ARHGEF28: variants seen among roughly 807,000 people sequenced by gnomAD.
The protein encoded by ARHGEF28 is Rho guanine nucleotide exchange factor 28.
Under a neutral mutation model 206.6 loss-of-function variants are expected in ARHGEF28, and 152 were observed. The ratio of observed to expected loss-of-function variants is 0.74; its 90% CI spans 0.64 to 0.84. The LOEUF (loss-of-function observed/expected upper bound fraction) is 0.84, where lower values mean the gene tolerates loss of function less well. Ranked by LOEUF, ARHGEF28 falls within the 40% of genes least tolerant of loss-of-function variation. The pLI is 0.00. For missense variants in ARHGEF28, 2,028 were observed against 2,073.2 expected (o/e 0.98, Z 0.42); for synonymous variants, 763 against 776.4 (o/e 0.98, Z 0.29).
At chr5:73,838,035 G>A (rs1436375998) in intron 10 of ARHGEF28, among the ~76,000 whole-genome samples, 3 of 151,976 alleles carry the variant, frequency 2.0e-5, no homozygotes, top group Admixed American at 6.6e-5. Flanking sequence ...CACTACACCC[G>A]GCCAAGATAT....
intron 30 of ARHGEF28, 56 bp downstream of exon 30, chr5:73,898,149 A>G: frequency 6.3e-7 from 1 of 1,581,422 alleles, no homozygotes; most frequent in Non-Finnish European, 8.6e-7. Context: ...TGGAGCTTAC[A>G]GTGGTCACGT....
At chr5:73,879,698 C>G (rs1225730124) in intron 22 of ARHGEF28, among the ~76,000 whole-genome samples, 3 of 152,122 alleles carry the variant, frequency 2.0e-5, no homozygotes, top group African/African-American at 7.2e-5. Flanking sequence ...CACTCCAGAC[C>G]CTGTTTGCCT....
chr5:73,789,445 G>A (rs1470325874), intron 7 of ARHGEF28, among the ~76,000 whole-genome samples: 1 of 152,146 alleles, frequency 6.6e-6, no homozygotes, highest in Non-Finnish European at 1.5e-5. Flanking sequence ...GCTAATGCGT[G>A]TGGGGTTTTC....
At chr5:73,706,163 A>G (rs2112297786) in intron 2 of ARHGEF28, among the ~76,000 whole-genome samples, 1 of 152,194 alleles carries the variant, frequency 6.6e-6, no homozygotes, top group East Asian at 1.9e-4. Flanking sequence ...TAGCCCGGAC[A>G]GGAAGCAGAC....
chr5:73,802,412 T>C (rs1345230134), intron 9 of ARHGEF28, among the ~76,000 whole-genome samples: 1 of 152,188 alleles, frequency 6.6e-6, no homozygotes, highest in African/African-American at 2.4e-5. Context: ...TAGTACATTC[T>C]AAATTACCTT....
chr5:73,920,953 T>C (rs1321673457), intron 35 of ARHGEF28, among the ~76,000 whole-genome samples: 1 of 152,128 alleles, frequency 6.6e-6, no homozygotes, highest in African/African-American at 2.4e-5. Flanking sequence ...TTCACTGGGG[T>C]ATTTCTTTTT....
At chr5:73,806,882 T>TTA (rs999447105) in intron 9 of ARHGEF28, among the ~76,000 whole-genome samples, 2 of 132,726 alleles carry the variant, frequency 1.5e-5, no homozygotes, top group African/African-American at 6.0e-5. Context: ...TTGTATATAT[T>TTA]TATATATATA....
At chr5:73,848,831 A>T (rs1758528427) in intron 12 of ARHGEF28, 145 bp from the exon 13 acceptor site, 2 of 632,904 alleles carry the variant, frequency 3.2e-6, no homozygotes, top group Non-Finnish European at 2.6e-6. Flanking sequence ...GTGAGAGGAA[A>T]ACAGAAACAC....
chr5:73,709,040 T>C (rs1561348402), intron 2 of ARHGEF28, among the ~76,000 whole-genome samples: 1 of 152,206 alleles, frequency 6.6e-6, no homozygotes, highest in South Asian at 2.1e-4. Context: ...ATGGGGTTAT[T>C]TGTTTTTGGC....
intron 1 of ARHGEF28, among the ~76,000 whole-genome samples, chr5:73,682,623 G>A (rs1176047804): frequency 1.3e-5 from 2 of 152,072 alleles, no homozygotes; most frequent in African/African-American, 4.8e-5. Context: ...TATTGGTCAG[G>A]CTGGTCTTGA....
intron 2 of ARHGEF28, among the ~76,000 whole-genome samples, chr5:73,710,895 G>A (rs1442575071): frequency 6.6e-6 from 1 of 152,054 alleles, no homozygotes; most frequent in African/African-American, 2.4e-5. Context: ...GTAGAGACAG[G>A]GTTTTATCAT....
intron 9 of ARHGEF28, among the ~76,000 whole-genome samples, chr5:73,812,760 G>A (rs1209764347): frequency 6.6e-6 from 1 of 152,096 alleles, no homozygotes; most frequent in South Asian, 2.1e-4. Flanking sequence ...AGCTATAAAG[G>A]CACCAAAATC....
intron 22 of ARHGEF28, among the ~76,000 whole-genome samples, chr5:73,882,119 G>A (rs961451857): frequency 6.6e-6 from 1 of 152,082 alleles, no homozygotes; most frequent in East Asian, 1.9e-4. Flanking sequence ...GCCCCTAAAT[G>A]TTGCCATATA....
chr5:73,937,366 T>C (rs1203152853), intron 35 of ARHGEF28, among the ~76,000 whole-genome samples: 5 of 152,246 alleles, frequency 3.3e-5, no homozygotes, highest in Non-Finnish European at 7.3e-5. Flanking sequence ...GAAAAAACTC[T>C]CAATCAAGAT....
intron 31 of ARHGEF28, chr5:73,902,540 A>G (rs1762327224): frequency 6.6e-6 from 1 of 152,056 alleles, no homozygotes; most frequent in Non-Finnish European, 1.5e-5. Context: ...ATTTTGAAAG[A>G]TTAATACATT....
At chr5:73,705,215 G>A (rs1280574342) in intron 2 of ARHGEF28, among the ~76,000 whole-genome samples, 2 of 152,148 alleles carry the variant, frequency 1.3e-5, no homozygotes, top group African/African-American at 4.8e-5. Flanking sequence ...GAAAGCCATT[G>A]GCACGTTGGG....
At chr5:73,664,010 TC>T (rs147652129) in intron 1 of ARHGEF28, among the ~76,000 whole-genome samples, 2,950 of 152,320 alleles carry the variant, frequency 0.019, 92 homozygotes, top group African/African-American at 0.068. Flanking sequence ...GTTTCTCCTT[TC>T]TTAAAACACC....
chr5:73,873,278 G>C, intron 22 of ARHGEF28, 32 bp downstream of exon 22: 1 of 1,568,696 alleles, frequency 6.4e-7, no homozygotes, highest in Non-Finnish European at 8.7e-7. Context: ...TGACCTTTAT[G>C]ACGTAAGTGG....
chr5:73,696,135 T>C (rs1048520592), intron 2 of ARHGEF28, among the ~76,000 whole-genome samples: 1 of 152,154 alleles, frequency 6.6e-6, no homozygotes, highest in Non-Finnish European at 1.5e-5. Context: ...TAAACGTTTG[T>C]GGATTGAGTT....
Sources: gnomAD v4.1 joint callset for allele counts (sites outside exome capture counted in the v4.1 genomes callset) on GRCh38, gnomAD v4.1.1 for gene constraint, MANE v1.5 for transcripts, NCBI Gene and HGNC (gene_info 2026-07-23, HGNC 2026-07-21) for gene names.